DLG3: variants seen among roughly 807,000 people sequenced by gnomAD.
DLG3 encodes the protein disks large homolog 3.
Under a neutral mutation model 64.1 loss-of-function variants are expected in DLG3, and 1 was observed. That is an observed-to-expected ratio of 0.02 (90% CI 0.01 to 0.07). The LOEUF is 0.07. Among genes scored for constraint, DLG3 ranks in the 10% least tolerant of loss-of-function variants. DLG3 has a pLI of 1.00. For synonymous variants in DLG3, 245 were observed against 259.8 expected, an observed-to-expected ratio of 0.94 and a Z score of 0.55; for missense variants, 429 against 669.5, an observed-to-expected ratio of 0.64 and a Z score of 3.96.
intron 9 of DLG3, among the ~76,000 whole-genome samples, chrX:70,463,945 A>G (rs2086844820): frequency 8.9e-6 from 1 of 111,791 alleles, no homozygotes; most frequent in Non-Finnish European, 1.9e-5. Flanking sequence ...TCTTGGACTC[A>G]AGTGATCCAC....
At chrX:70,482,771 C>T (rs973155694) in intron 10 of DLG3, among the ~76,000 whole-genome samples, 1 of 101,261 alleles carries the variant, frequency 9.9e-6, no homozygotes, top group Non-Finnish European at 2.0e-5. Flanking sequence ...CCTGGGTTCA[C>T]GCCATTCTGC....
intron 9 of DLG3, among the ~76,000 whole-genome samples, chrX:70,478,683 A>T (rs1363941618): frequency 9.0e-6 from 1 of 111,176 alleles, no homozygotes; most frequent in East Asian, 2.8e-4. Flanking sequence ...CCTAACAATG[A>T]TATAATTGAC....
chrX:70,496,717 C>T lies in DLG3; in HGVS notation c.1819+1264C>T, dbSNP rs184204533. ...CCTGGTGTCTGCTTAACCCATCCAG[C>T]GTTTGGCCTCTTAGTTGTGGAGTGC... On this transcript the variant is annotated intron_variant, in intron 13 of 18. Transcript: ENST00000374360. Among the ~76,000 whole-genome samples the T allele has an allele frequency of 3.0e-3, 336 of 112,541 alleles. 3 individuals carry two copies. The highest frequency in any genetic ancestry group is 0.01 in the African/African-American group (312 of 31,022).
At chrX:70,486,224 G>T (rs1414601967) in intron 10 of DLG3, among the ~76,000 whole-genome samples, 1 of 111,956 alleles carries the variant, frequency 8.9e-6, no homozygotes, top group Non-Finnish European at 1.9e-5. Flanking sequence ...TGTTTGAAAA[G>T]TTCCAGGAAT....
Position 70,451,859 on chromosome X carries a change from G to A in DLG3, c.986-8G>A, listed in dbSNP as rs754232006. 2.5e-6 allele frequency: 3 copies of A among 1,211,197 alleles called. No homozygotes were observed. In the Admixed American group the frequency reaches 6.5e-5, roughly 26 times the overall value. The stretch of plus-strand genomic sequence containing the variant: ...CTCTGAACTTTTCTCTCCCTTTCTT[G>A]ATTCCAGCTTTTACTGCCTTGGCTG... On this transcript the variant is annotated splice_region_variant and splice_polypyrimidine_tract_variant and intron_variant, in intron 6 of 18. Coordinates refer to ENST00000374360, the MANE Select transcript of DLG3 (RefSeq NM_021120.4).
chrX:70,448,589 G>A, intron 1 of DLG3: 1 of 1,165,611 alleles, frequency 8.6e-7, no homozygotes, highest in African/African-American at 1.8e-5. Flanking sequence ...GGCCAGGCCT[G>A]CACCCCTCCT....
chrX:70,477,570 G>A (rs1352466307), intron 9 of DLG3, among the ~76,000 whole-genome samples: 2 of 111,188 alleles, frequency 1.8e-5, no homozygotes, highest in African/African-American at 3.3e-5. Flanking sequence ...CCTCAGAACA[G>A]GAACATTGTC....
intron 1 of DLG3, among the ~76,000 whole-genome samples, chrX:70,445,894 G>A (rs2086562031): frequency 1.0e-5 from 1 of 96,745 alleles, no homozygotes; most frequent in Non-Finnish European, 2.1e-5. Flanking sequence ...GTTCTGCGGG[G>A]GCTGTGTGTG....
chrX:70,500,283 TA>T (rs781243264), intron 16 of DLG3, among the ~76,000 whole-genome samples, 187 bp from the exon 17 acceptor site: 1 of 111,132 alleles, frequency 9.0e-6, no homozygotes, highest in Admixed American at 9.6e-5. Flanking sequence ...CTTTTCTGGG[TA>T]ATAGGAGCAA....
At chrX:70,490,796 T>C (rs961960509) in intron 10 of DLG3, among the ~76,000 whole-genome samples, 3 of 112,320 alleles carry the variant, frequency 2.7e-5, no homozygotes, top group Non-Finnish European at 5.6e-5. Context: ...ACAGAGAATA[T>C]GAAGAAGACA....
At chrX:70,472,334 C>A (rs2086984177) in intron 9 of DLG3, among the ~76,000 whole-genome samples, 2 of 111,889 alleles carry the variant, frequency 1.8e-5, no homozygotes, top group South Asian at 7.5e-4. Flanking sequence ...GGGTGGATCA[C>A]TTGAGGCCAG....
rs764262068 is a variant in DLG3, at chrX:70,449,496, G to A, written c.533+13G>A. 4.1e-6 allele frequency: 5 copies of A among 1,207,151 alleles called. No homozygotes were observed. The African/African-American group carries it at 7.1e-5, about 17-fold the overall frequency. On this transcript the variant is annotated intron_variant, in intron 3 of 18. Coordinates refer to ENST00000374360, the MANE Select transcript of DLG3 (RefSeq NM_021120.4). ...ATGGGAGGCTGGGGTGAGATGGCCT[G>A]GAAGCAGGGTTGTGGGTGGCAGGGA...
intron 1 of DLG3, among the ~76,000 whole-genome samples, chrX:70,447,022 C>T (rs1159933698): frequency 1.8e-5 from 2 of 112,130 alleles, no homozygotes; most frequent in Non-Finnish European, 3.8e-5. Flanking sequence ...CAGCGAGTCC[C>T]TCTCTCTCCT....
intron 3 of DLG3, 100 bp downstream of exon 3, chrX:70,449,583 G>A: frequency 8.6e-7 from 1 of 1,160,926 alleles, no homozygotes; most frequent in Non-Finnish European, 1.2e-6. Flanking sequence ...TAGATCTGAG[G>A]GCGGGGTGGG....
At chrX:70,483,078 C>T (rs1369618649) in intron 10 of DLG3, among the ~76,000 whole-genome samples, 1 of 110,304 alleles carries the variant, frequency 9.1e-6, no homozygotes, top group Non-Finnish European at 1.9e-5. Flanking sequence ...CCCAGGAGTT[C>T]GAGACCAGTC....
At chrX:70,465,415 C>T in intron 9 of DLG3, among the ~76,000 whole-genome samples, 1 of 112,048 alleles carries the variant, frequency 8.9e-6, no homozygotes, top group East Asian at 2.8e-4. Context: ...AAGCCAGGAG[C>T]AGTGTGGAGA....
At chrX:70,461,939 C>G (rs2086808490) in intron 9 of DLG3, among the ~76,000 whole-genome samples, 1 of 110,862 alleles carries the variant, frequency 9.0e-6, no homozygotes, top group South Asian at 3.8e-4. Flanking sequence ...AAGGGTACAA[C>G]AATTTTTAGA....
At chrX:70,497,116 T>C (rs2087469521) in intron 13 of DLG3, 1 of 1,099,269 alleles carries the variant, frequency 9.1e-7, no homozygotes, top group Non-Finnish European at 1.3e-6. Context: ...ATTTGAGTTT[T>C]GTGCTGCATG....
intron 13 of DLG3, 101 bp downstream of exon 13, chrX:70,495,554 G>A (rs1186118449): frequency 2.3e-5 from 19 of 826,576 alleles, no homozygotes; most frequent in Non-Finnish European, 3.5e-5. Context: ...GGTGAGGGGA[G>A]GGCAGTGTTT....
Sources: gnomAD v4.1 joint callset for allele counts (sites outside exome capture counted in the v4.1 genomes callset) on GRCh38, gnomAD v4.1.1 for gene constraint, MANE v1.5 for transcripts, NCBI Gene and HGNC (gene_info 2026-07-23, HGNC 2026-07-21) for gene names.